Variants in MTUS1 observed in about 807,000 individuals in gnomAD.
MTUS1 encodes the protein microtubule-associated tumor suppressor 1.
A neutral mutation model predicts 120.8 loss-of-function variants in MTUS1; 109 were observed. The ratio of observed to expected loss-of-function variants is 0.90; its 90% confidence interval spans 0.77 to 1.06. MTUS1 has a LOEUF of 1.06. Among genes scored for constraint, MTUS1 ranks in the 50% least tolerant of loss-of-function variants. The pLI, the probability that MTUS1 is intolerant of heterozygous loss-of-function variation, is 0.00. For synonymous variants in MTUS1, 737 were observed against 550.5 expected, an observed-to-expected ratio of 1.34 and a Z score of -4.74; for missense variants, 2,210 against 1,486.3, an observed-to-expected ratio of 1.49 and a Z score of -8.01.
chr8:17,735,730 C>A (rs886296239), intron 3 of MTUS1, among the ~76,000 whole-genome samples: 1 of 152,270 alleles, frequency 6.6e-6, no homozygotes, highest in Non-Finnish European at 1.5e-5. Flanking sequence ...GTGCTTCGCA[C>A]AGGTCTCCAT....
chr8:17,656,359 C>CT (rs1424892932), intron 8 of MTUS1, among the ~76,000 whole-genome samples: 2 of 151,980 alleles, frequency 1.3e-5, no homozygotes, highest in Non-Finnish European at 2.9e-5. Flanking sequence ...AAAACCCTGT[C>CT]TATCTTAAAA....
At chr8:17,788,217 G>A (rs957446108) in intron 1 of MTUS1, among the ~76,000 whole-genome samples, 1 of 152,032 alleles carries the variant, frequency 6.6e-6, no homozygotes, top group African/African-American at 2.4e-5. Context: ...TCATATAATT[G>A]CACACTTAAG....
intron 1 of MTUS1, among the ~76,000 whole-genome samples, chr8:17,784,295 G>GT (rs34896566): frequency 0.67 from 83,764 of 125,302 alleles, 28,478 homozygotes; most frequent in Middle Eastern, 0.71. Context: ...TCTTACAACT[G>GT]TTTTTTTTTT....
intron 6 of MTUS1, among the ~76,000 whole-genome samples, chr8:17,698,617 C>T (rs1272893491): frequency 6.6e-6 from 1 of 152,096 alleles, no homozygotes; most frequent in East Asian, 1.9e-4. Flanking sequence ...CTATTAAGTG[C>T]TATTAAAACT....
chr8:17,774,988 A>AAC (rs1563370956), intron 1 of MTUS1, among the ~76,000 whole-genome samples: 4 of 150,902 alleles, frequency 2.7e-5, no homozygotes, highest in Non-Finnish European at 5.9e-5. Context: ...AAAAAAAAAA[A>AAC]AAAAACCAGA....
intron 1 of MTUS1, among the ~76,000 whole-genome samples, chr8:17,780,691 C>G (rs1244715180): frequency 3.3e-5 from 5 of 152,218 alleles, no homozygotes; most frequent in African/African-American, 1.2e-4. Flanking sequence ...TCTGGGACTA[C>G]TAACTGGTCA....
At chr8:17,741,536 A>G (rs1176140960) in intron 3 of MTUS1, among the ~76,000 whole-genome samples, 4 of 152,242 alleles carry the variant, frequency 2.6e-5, no homozygotes, top group Admixed American at 6.5e-5. Context: ...ATAAAAGCTC[A>G]AAAGCATGCC....
At chr8:17,679,214 A>ACAC (rs11451990) in intron 7 of MTUS1, among the ~76,000 whole-genome samples, 109 of 63,612 alleles carry the variant, frequency 1.7e-3, no homozygotes, top group African/African-American at 4.9e-3. Context: ...ACACACACAC[A>ACAC]AATACCTATA....
chr8:17,696,657 T>A (rs537258227), intron 6 of MTUS1, among the ~76,000 whole-genome samples: 1 of 152,282 alleles, frequency 6.6e-6, no homozygotes, highest in African/African-American at 2.4e-5. Flanking sequence ...CCGAAAATAA[T>A]AAGCAGATAC....
chr8:17,800,443 A>C (rs1586485059), intron 1 of MTUS1, among the ~76,000 whole-genome samples: 1 of 152,214 alleles, frequency 6.6e-6, no homozygotes, highest in African/African-American at 2.4e-5. Flanking sequence ...CGCAGGCTAA[A>C]TGAATTAACC....
intron 7 of MTUS1, among the ~76,000 whole-genome samples, chr8:17,676,948 G>C (rs1242370226): frequency 1.3e-5 from 2 of 151,796 alleles, no homozygotes; most frequent in East Asian, 2.0e-4. Flanking sequence ...CTTTTACTTT[G>C]TTCTCACCTC....
At position 17,722,045 on chromosome 8, in the gene MTUS1, A is replaced by G. The variant is rs556201693; in HGVS notation, c.2449+1627T>C. 36 of 1,311,646 alleles carry G rather than the reference A, an allele frequency of 2.7e-5. 1 individual carries two copies. Among genetic ancestry groups the G allele is most frequent in the Admixed American group, 2.1e-4 (6 of 27,926 alleles). 81.3% of individuals were successfully genotyped at this position (1,311,646 alleles called of 1,614,324 possible). A position where few individuals can be genotyped will look rare whatever the true frequency, so the allele number is the denominator to read the frequency against. On this transcript the variant is annotated intron_variant, in intron 4 of 14. Transcript: ENST00000693296. ...CAAGGCACTACACAAAACAGATTAA[A>G]CCAGCTAGCAAATCAAACTAAGAAA...
At chr8:17,682,669 G>C (rs1814818336) in intron 7 of MTUS1, among the ~76,000 whole-genome samples, 1 of 152,120 alleles carries the variant, frequency 6.6e-6, no homozygotes, top group Non-Finnish European at 1.5e-5. Context: ...GACGTCATGA[G>C]GAGGATGAAA....
intron 6 of MTUS1, among the ~76,000 whole-genome samples, chr8:17,685,337 A>G (rs1180579874): frequency 6.6e-6 from 1 of 152,218 alleles, no homozygotes; most frequent in African/African-American, 2.4e-5. Context: ...AAAACTGTTC[A>G]GTCTTGGAAC....
chr8:17,746,647 AAT>A (rs2047774964), intron 2 of MTUS1, among the ~76,000 whole-genome samples: 1 of 152,146 alleles, frequency 6.6e-6, no homozygotes, highest in African/African-American at 2.4e-5. Flanking sequence ...TCCCTCCCAC[AAT>A]ATGTGGGAAT....
chr8:17,769,307 C>G (rs1300417361), intron 1 of MTUS1, among the ~76,000 whole-genome samples: 1 of 145,998 alleles, frequency 6.8e-6, no homozygotes, highest in East Asian at 2.1e-4. Flanking sequence ...TACACATTCA[C>G]AAACTCTTAA....
intron 6 of MTUS1, among the ~76,000 whole-genome samples, chr8:17,699,867 C>G (rs570302546): frequency 6.6e-5 from 10 of 152,148 alleles, no homozygotes; most frequent in Non-Finnish European, 1.2e-4. Context: ...ATTTAAATAA[C>G]TGGATAAGCA....
intron 6 of MTUS1, among the ~76,000 whole-genome samples, chr8:17,699,220 TTTTG>T (rs1376961643): frequency 2.0e-5 from 3 of 152,220 alleles, no homozygotes; most frequent in East Asian, 3.9e-4. Context: ...TTTTGTTTGT[TTTTG>T]TTTGTTTTTT....
chr8:17,799,541 AAAAC>A (rs1421967784), intron 1 of MTUS1, among the ~76,000 whole-genome samples: 1 of 152,192 alleles, frequency 6.6e-6, no homozygotes, highest in African/African-American at 2.4e-5. Flanking sequence ...TTTTGAAATC[AAAAC>A]AAACAGGGTT....
Sources: allele counts gnomAD v4.1 joint callset (sites outside exome capture counted in the v4.1 genomes callset), GRCh38; gene constraint gnomAD v4.1.1; transcripts MANE v1.5; gene names NCBI Gene and HGNC (gene_info 2026-07-23, HGNC 2026-07-21).